SCN11A: variants seen among roughly 807,000 people sequenced by gnomAD.
SCN11A encodes sodium voltage-gated channel alpha subunit 11, also known as sodium channel protein type 11 subunit alpha.
A neutral mutation model predicts 162.2 loss-of-function variants in SCN11A; 122 were observed. The ratio of observed to expected loss-of-function variants is 0.75; its 90% confidence interval spans 0.65 to 0.87. The LOEUF (loss-of-function observed/expected upper bound fraction) is 0.87. Ranked by LOEUF, SCN11A falls within the 40% of genes least tolerant of loss-of-function variation. SCN11A has a pLI of 0.00. For missense variants in SCN11A, 2,015 were observed against 2,181.6 expected, an observed-to-expected ratio of 0.92 and a Z score of 1.52; for synonymous variants, 758 against 751.5, an observed-to-expected ratio of 1.01 and a Z score of -0.14.
chr3:39,031,524 A>G (rs1294505247), intron 2 of SCN11A, among the ~76,000 whole-genome samples: 2 of 151,370 alleles, frequency 1.3e-5, no homozygotes, highest in Non-Finnish European at 2.9e-5. Flanking sequence ...AGATTCTGTC[A>G]AACAAAAAAC....
intron 11 of SCN11A, among the ~76,000 whole-genome samples, chr3:38,911,260 T>C (rs768885142): frequency 6.6e-6 from 1 of 152,152 alleles, no homozygotes; most frequent in Non-Finnish European, 1.5e-5. Context: ...TGAATATATA[T>C]TTATTCCATT....
chr3:38,891,282 G>T (rs192557440), intron 19 of SCN11A, among the ~76,000 whole-genome samples: 3 of 152,146 alleles, frequency 2.0e-5, no homozygotes, highest in Admixed American at 2.0e-4. Context: ...AAAGTCACTA[G>T]AGAGACCAAC....
At chr3:38,863,952 A>C (rs1032482333) in intron 27 of SCN11A, among the ~76,000 whole-genome samples, 1 of 152,148 alleles carries the variant, frequency 6.6e-6, no homozygotes, top group Non-Finnish European at 1.5e-5. Context: ...GATCAAAAAG[A>C]TAGACTAGTA....
chr3:38,936,096 T>C lies in SCN11A; in HGVS notation c.489-9165A>G, dbSNP rs1172379179. ...AAATCAATAAATGTAATCCAGCATA[T>C]AAACAGAACCAAAGACAAAAACCAC... On this transcript the variant is annotated intron_variant, in intron 7 of 29. Transcript: ENST00000302328. 2.0e-5 allele frequency among the ~76,000 whole-genome samples: 3 copies of C among 151,702 alleles called. No homozygotes were observed. In the East Asian group the frequency reaches 5.8e-4, roughly 29 times the overall value.
intron 23 of SCN11A, among the ~76,000 whole-genome samples, chr3:38,875,831 A>G (rs2065198242): frequency 6.6e-6 from 1 of 151,986 alleles, no homozygotes; most frequent in African/African-American, 2.4e-5. Context: ...AAATACCACT[A>G]TCATTCTTCA....
chr3:38,869,437 TATAA>T (rs1181913538), intron 26 of SCN11A, among the ~76,000 whole-genome samples: 6 of 152,126 alleles, frequency 3.9e-5, no homozygotes, highest in African/African-American at 7.2e-5. Flanking sequence ...ACATTGTATA[TATAA>T]ATATTACAAT....
intron 14 of SCN11A, among the ~76,000 whole-genome samples, chr3:38,907,349 T>TAG (rs1559523568): frequency 1.2e-4 from 2 of 16,536 alleles, no homozygotes; most frequent in African/African-American, 9.2e-5. Context: ...TGTGTATATA[T>TAG]CTATATATAC....
In SCN11A at chr3:39,000,505, C is replaced by T. The variant is rs189324909; in HGVS notation, c.-280+31875G>A. Among the ~76,000 whole-genome samples the T allele has an allele frequency of 2.0e-5, 3 of 152,306 alleles. No homozygotes were observed. In the East Asian group the frequency reaches 5.8e-4, roughly 29 times the overall value. On this transcript the variant is annotated intron_variant, in intron 2 of 29. Transcript: ENST00000302328. ...AATTCAAATATACCCTCTAGAAGGG[C>T]GTTCTCAACTCCCCCCTCCCCAAAC...
intron 19 of SCN11A, among the ~76,000 whole-genome samples, chr3:38,890,998 T>C (rs920223818): frequency 1.3e-4 from 20 of 151,902 alleles, no homozygotes; most frequent in African/African-American, 3.6e-4. Context: ...AACAAAAATA[T>C]GAAATGTGCA....
intron 16 of SCN11A, 146 bp downstream of exon 16, chr3:38,903,719 C>T (rs2065740833): frequency 3.3e-6 from 2 of 612,298 alleles, no homozygotes; most frequent in East Asian, 2.9e-5. Context: ...AAAAGTAAAA[C>T]CGTAACAGCC....
At chr3:38,987,287 TCTCTCTCTCTCTCTCTCA>T (rs2030283278) in intron 2 of SCN11A, among the ~76,000 whole-genome samples, 2 of 112,736 alleles carry the variant, frequency 1.8e-5, no homozygotes, top group African/African-American at 1.0e-4. Flanking sequence ...TTTCTCTCTC[TCTCTCTCTCTCTCTCTCA>T]CACACACACA....
intron 24 of SCN11A, among the ~76,000 whole-genome samples, 171 bp from the exon 25 acceptor site, chr3:38,871,879 A>C (rs1456449277): frequency 6.6e-6 from 1 of 152,160 alleles, no homozygotes; most frequent in Non-Finnish European, 1.5e-5. Flanking sequence ...AGCTCCCTAC[A>C]TAATGGGTCC....
chr3:39,025,115 C>A (rs771290296), intron 2 of SCN11A, among the ~76,000 whole-genome samples: 1 of 152,082 alleles, frequency 6.6e-6, no homozygotes, highest in Non-Finnish European at 1.5e-5. Context: ...GGAGTTCTAG[C>A]TTCTAAGAGC....
intron 11 of SCN11A, among the ~76,000 whole-genome samples, chr3:38,912,997 T>G (rs1161939561): frequency 3.3e-5 from 5 of 152,196 alleles, no homozygotes; most frequent in African/African-American, 1.2e-4. Flanking sequence ...ACCTACCCAG[T>G]AATGCGATTG....
intron 2 of SCN11A, among the ~76,000 whole-genome samples, chr3:39,031,588 A>G (rs964200910): frequency 1.3e-5 from 2 of 152,076 alleles, no homozygotes; most frequent in Non-Finnish European, 1.5e-5. Flanking sequence ...AAAGAAAGAT[A>G]AAATGGAGGT....
At chr3:38,944,687 G>T (rs531167943) in intron 7 of SCN11A, among the ~76,000 whole-genome samples, 1 of 151,954 alleles carries the variant, frequency 6.6e-6, no homozygotes, top group African/African-American at 2.4e-5. Context: ...AGGGCTGCGT[G>T]CAGTGGCTCA....
At chr3:38,966,403 G>A (rs2066782824) in intron 2 of SCN11A, among the ~76,000 whole-genome samples, 2 of 152,106 alleles carry the variant, frequency 1.3e-5, no homozygotes, top group Non-Finnish European at 2.9e-5. Context: ...TGTAATTTGA[G>A]GTAGGAGTAT....
intron 1 of SCN11A, among the ~76,000 whole-genome samples, chr3:39,046,400 T>C (rs889326990): frequency 1.9e-4 from 29 of 152,150 alleles, no homozygotes; most frequent in African/African-American, 6.8e-4. Context: ...GACATCCATG[T>C]TCATATACTG....
At chr3:39,014,644 T>C (rs1430684028) in intron 2 of SCN11A, among the ~76,000 whole-genome samples, 4 of 152,252 alleles carry the variant, frequency 2.6e-5, no homozygotes, top group African/African-American at 9.6e-5. Flanking sequence ...AATCCCTTGC[T>C]GTACTTATTT....
Sources: allele counts gnomAD v4.1 joint callset (sites outside exome capture counted in the v4.1 genomes callset), GRCh38; gene constraint gnomAD v4.1.1; transcripts MANE v1.5; gene names NCBI Gene and HGNC (gene_info 2026-07-23, HGNC 2026-07-21).